Variants in SPINK5 observed in about 807,000 individuals in gnomAD.
SPINK5 encodes the protein serine protease inhibitor Kazal-type 5.
SPINK5 carries 125 observed loss-of-function variants against 151.8 expected under a neutral mutation model. The ratio of observed to expected loss-of-function variants is 0.82; its 90% CI spans 0.71 to 0.96. The LOEUF (loss-of-function observed/expected upper bound fraction) is 0.96. SPINK5 is among the 40% of genes least tolerant of loss of function. The pLI, the probability that SPINK5 is intolerant of heterozygous loss-of-function variation, is 0.00. For missense variants in SPINK5, 1,194 were observed against 1,291.9 expected, an observed-to-expected ratio of 0.92 and a Z score of 1.16; for synonymous variants, 374 against 395.3, an observed-to-expected ratio of 0.95 and a Z score of 0.64.
intron 4 of SPINK5, among the ~76,000 whole-genome samples, chr5:148,076,562 A>G (rs565684780): frequency 6.6e-6 from 1 of 151,926 alleles, no homozygotes; most frequent in East Asian, 1.9e-4. Flanking sequence ...TTTTCAAAGT[A>G]ACAAGAATAT....
At chr5:148,088,272 T>C (rs1753212621) in intron 5 of SPINK5, among the ~76,000 whole-genome samples, 1 of 151,860 alleles carries the variant, frequency 6.6e-6, no homozygotes, top group Admixed American at 6.6e-5. Context: ...TCTTCTGATG[T>C]GGATCCCTCC....
chr5:148,102,018 A>G, intron 15 of SPINK5, 110 bp downstream of exon 15: 1 of 1,496,984 alleles, frequency 6.7e-7, no homozygotes, highest in Non-Finnish European at 9.2e-7. Flanking sequence ...TGTAGCATTC[A>G]GTCTTGGGTG....
chr5:148,121,466 G>C (rs1319605677), intron 26 of SPINK5, among the ~76,000 whole-genome samples: 5 of 151,798 alleles, frequency 3.3e-5, no homozygotes, highest in Non-Finnish European at 7.4e-5. Flanking sequence ...AAATATTTTG[G>C]GAATATCTGT....
chr5:148,078,916 A>G (rs976686936), intron 4 of SPINK5, among the ~76,000 whole-genome samples: 1 of 150,710 alleles, frequency 6.6e-6, no homozygotes, highest in Non-Finnish European at 1.5e-5. Flanking sequence ...AGAAACATAT[A>G]AGGATTGGAG....
At chr5:148,135,479 G>C (rs913136011) in intron 32 of SPINK5, among the ~76,000 whole-genome samples, 1 of 152,224 alleles carries the variant, frequency 6.6e-6, no homozygotes, top group Admixed American at 6.5e-5. Context: ...ATCACACAGG[G>C]TGTTGTAAAA....
intron 9 of SPINK5, among the ~76,000 whole-genome samples, chr5:148,095,312 C>T (rs897461336): frequency 6.6e-6 from 1 of 151,914 alleles, no homozygotes; most frequent in Non-Finnish European, 1.5e-5. Context: ...TTATATACTC[C>T]TGCATGCCCA....
intron 20 of SPINK5, 125 bp downstream of exon 20, chr5:148,113,059 T>C: frequency 6.8e-7 from 1 of 1,474,080 alleles, no homozygotes; most frequent in South Asian, 1.3e-5. Flanking sequence ...AGTCCAGGGG[T>C]TGAGAAACTT....
intron 30 of SPINK5, among the ~76,000 whole-genome samples, chr5:148,128,206 G>T (rs1754482078): frequency 7.8e-6 from 1 of 127,956 alleles, no homozygotes; most frequent in African/African-American, 3.1e-5. Context: ...ATGGAGAAGA[G>T]CTATTAACAA....
At chr5:148,111,507 C>A (rs1420222820) in intron 18 of SPINK5, among the ~76,000 whole-genome samples, 1 of 152,154 alleles carries the variant, frequency 6.6e-6, no homozygotes, top group Admixed American at 6.6e-5. Flanking sequence ...AGAGGCCATA[C>A]ATTTTTCTTC....
At chr5:148,118,764 G>C (rs1302493580) in intron 23 of SPINK5, among the ~76,000 whole-genome samples, 200 bp downstream of exon 23, 1 of 152,104 alleles carries the variant, frequency 6.6e-6, no homozygotes, top group Non-Finnish European at 1.5e-5. Context: ...GATTTCTATT[G>C]TATTTTCTAT....
At chr5:148,126,838 A>G (rs1754443311) in intron 29 of SPINK5, 145 bp from the exon 30 acceptor site, 1 of 612,868 alleles carries the variant, frequency 1.6e-6, no homozygotes. Context: ...GTGATTCGCC[A>G]GCCTGGGCCT....
intron 4 of SPINK5, among the ~76,000 whole-genome samples, chr5:148,079,461 A>C (rs192924978): frequency 1.3e-5 from 2 of 151,322 alleles, no homozygotes; most frequent in East Asian, 3.9e-4. Context: ...AAAAGCAGAA[A>C]ACTACTGACA....
rs1752513929 is a variant in SPINK5, at chr5:148,064,100, G to A, written c.55+1G>A. 1 of 1,613,990 alleles carries A rather than the reference G, an allele frequency of 6.2e-7. No homozygotes were observed. Among genetic ancestry groups the A allele is most frequent in the Non-Finnish European group, 8.5e-7 (1 of 1,180,010 alleles). On this transcript the variant is annotated splice_donor_variant, in intron 1 of 32. Transcript: ENST00000256084. LOFTEE classifies it high-confidence loss of function. ...CCCTTGGCTCTTTGCCTCATACAAGGTGAGCAATTTGTGTGTAATCTAAGC... is the reference window on the plus strand; with the variant it reads ...CCCTTGGCTCTTTGCCTCATACAAGATGAGCAATTTGTGTGTAATCTAAGC...
At chr5:148,135,246 A>G (rs945849946) in intron 32 of SPINK5, among the ~76,000 whole-genome samples, 1 of 152,150 alleles carries the variant, frequency 6.6e-6, no homozygotes, top group Non-Finnish European at 1.5e-5. Context: ...TATTGACAGA[A>G]TATACTGTTC....
At position 148,107,103 on chromosome 5, in the gene SPINK5, C is replaced by T. The variant is rs1248047998; in HGVS notation, c.1546C>T (p.Pro516Ser). 7 of 1,613,464 alleles carry T rather than the reference C, an allele frequency of 4.3e-6. No individual in the cohort carries two copies. Among genetic ancestry groups the T allele is most frequent in the Non-Finnish European group, 5.9e-6 (7 of 1,179,612 alleles). ...ACTTATATGCACCAGGGAGCATAATCCTGTCCGTGGCCCAGATGGCAAAAT... is the reference window on the plus strand; with the variant it reads ...ACTTATATGCACCAGGGAGCATAATTCTGTCCGTGGCCCAGATGGCAAAAT... ...GTLICTREHN[P>S]VRGPDGKMHG... Residue 516 changes from proline to serine, a missense_variant, in exon 17 of 33, where the codon CCT becomes TCT. By Grantham distance (74) the Pro-to-Ser change is moderately conservative (BLOSUM62 -1). Coordinates refer to ENST00000256084, the MANE Select transcript of SPINK5 (RefSeq NM_006846.4).
intron 28 of SPINK5, chr5:148,125,428 T>C: frequency 8.7e-7 from 1 of 1,144,584 alleles, no homozygotes; most frequent in Non-Finnish European, 1.3e-6. Flanking sequence ...AAAAGCATGC[T>C]TCATGGGGAA....
At chr5:148,132,418 G>T (rs73271180) in intron 31 of SPINK5, among the ~76,000 whole-genome samples, 1 of 152,226 alleles carries the variant, frequency 6.6e-6, no homozygotes, top group East Asian at 1.9e-4. Flanking sequence ...TTTAGGTAAG[G>T]TATGGTAGAT....
intron 26 of SPINK5, among the ~76,000 whole-genome samples, chr5:148,123,577 T>TAC (rs1754348818): frequency 7.0e-6 from 1 of 142,468 alleles, no homozygotes; most frequent in Non-Finnish European, 1.5e-5. Context: ...TATATATATA[T>TAC]AGTTTTTAAA....
At position 148,091,020 on chromosome 5, in the gene SPINK5, A is replaced by G. The variant is rs1392647981; in HGVS notation, c.603-145A>G. On this transcript the variant is annotated intron_variant, in intron 7 of 32. Coordinates refer to ENST00000256084, the MANE Select transcript of SPINK5 (RefSeq NM_006846.4). ...CTTTGGCAATTTCTCTGGCTCAGGC[A>G]TTGAAGACGGAAATGCTTGTCTCTT... The G allele has an allele frequency of 1.6e-5, 11 of 683,052 alleles. No individual in the cohort carries two copies. The East Asian group carries it at 2.8e-4, about 17-fold the overall frequency. The allele number at this position is 683,052 out of a possible 1,614,324, so 42.3% of individuals were successfully genotyped here.
Sources: gnomAD v4.1 joint callset for allele counts (sites outside exome capture counted in the v4.1 genomes callset) on GRCh38, gnomAD v4.1.1 for gene constraint, MANE v1.5 for transcripts, NCBI Gene and HGNC (gene_info 2026-07-23, HGNC 2026-07-21) for gene names.